VAV2: variants seen among roughly 807,000 people sequenced by gnomAD.
The protein encoded by VAV2 is guanine nucleotide exchange factor VAV2.
In VAV2, 67 loss-of-function variants were observed where a neutral mutation model predicts 132.5. The ratio of observed to expected loss-of-function variants is 0.51; its 90% CI spans 0.42 to 0.62. The LOEUF is 0.62. Ranked by LOEUF, VAV2 falls within the 20% of genes least tolerant of loss-of-function variation. The probability of loss-of-function intolerance (pLI) is 0.00; values close to 1 mark genes in which losing one functional copy is unlikely to be tolerated. For synonymous variants in VAV2, 492 were observed against 443.5 expected (o/e 1.11, Z -1.37); for missense variants, 938 against 1,153.6 (o/e 0.81, Z 2.71).
rs1002870512 is a variant in VAV2, at chr9:133,792,719, G to A, written c.1102-850C>T. On this transcript the variant is annotated intron_variant, in intron 12 of 29. Transcript: ENST00000371850. ...CCCACCCAGCATCCAGGCACCGGGC[G>A]TTTCTGGACCTTCTTCCTCCATCCT... 5.6e-5 allele frequency among the ~76,000 whole-genome samples: 7 copies of A among 125,872 alleles called. No individual in the cohort carries two copies. In the East Asian group the frequency reaches 6.7e-4, roughly 12 times the overall value. 82.6% of individuals were successfully genotyped at this position (125,872 alleles called of 152,430 possible). A position where few individuals can be genotyped will look rare whatever the true frequency, so the allele number is the denominator to read the frequency against.
intron 2 of VAV2, among the ~76,000 whole-genome samples, chr9:133,905,170 T>C (rs892501807): frequency 3.3e-5 from 5 of 152,044 alleles, no homozygotes; most frequent in African/African-American, 9.7e-5. Context: ...GGCTCACGCC[T>C]GTAATCCCAG....
At chr9:133,785,985 T>C in intron 16 of VAV2, 100 bp from the exon 17 acceptor site, 4 of 1,029,514 alleles carry the variant, frequency 3.9e-6, no homozygotes, top group Non-Finnish European at 5.9e-6. Flanking sequence ...TGCACGTGTG[T>C]ATATGCATAT....
At chr9:133,970,397 G>A (rs970014097) in intron 1 of VAV2, among the ~76,000 whole-genome samples, 2 of 152,170 alleles carry the variant, frequency 1.3e-5, no homozygotes, top group African/African-American at 2.4e-5. Flanking sequence ...GGGAGCCAGG[G>A]ACCTTGGCCC....
Position 133,779,914 on chromosome 9 carries a change from T to C in VAV2, c.1762+4A>G. 6.2e-7 allele frequency: 1 copy of C among 1,611,772 alleles called. No individual in the cohort carries two copies. The highest frequency in any genetic ancestry group is 2.2e-5 in the East Asian group (1 of 44,798). ...AGCAGAGGGCCCAGGTCCAGAAGAC[T>C]CACCTGGTCCCGCTCCGGAGGCGTC... On this transcript the variant is annotated splice_donor_region_variant and intron_variant, in intron 21 of 29. Coordinates refer to ENST00000371850, the MANE Select transcript of VAV2 (RefSeq NM_001134398.2).
Position 133,939,121 on chromosome 9 carries a change from A to G in VAV2, c.303T>C (p.Asp101=), listed in dbSNP as rs753033816. 3 of 1,614,212 alleles carry G rather than the reference A, an allele frequency of 1.9e-6. No individual in the cohort carries two copies. The highest frequency in any genetic ancestry group is 2.2e-5 in the East Asian group (1 of 44,878). The change falls in exon 2 of 30, where the codon GAT becomes GAC. Residue 101 remains aspartate (D), a synonymous_variant. Coordinates refer to ENST00000371850, the MANE Select transcript of VAV2 (RefSeq NM_001134398.2). ...TGCTCACCTTTCCAAAGTCTCGCAC[A>G]TCGAAGAGGTCAAAGGGGTCAAACA... ...SELFDPFDLF[D]VRDFGKVISA...
At chr9:133,850,367 C>T (rs913062840) in intron 3 of VAV2, among the ~76,000 whole-genome samples, 4 of 152,326 alleles carry the variant, frequency 2.6e-5, no homozygotes, top group African/African-American at 9.6e-5. Context: ...GGCCCGGTGT[C>T]CACTCCCCAC....
intron 29 of VAV2, among the ~76,000 whole-genome samples, chr9:133,764,528 C>T (rs1036252330): frequency 2.0e-5 from 3 of 152,120 alleles, no homozygotes; most frequent in Admixed American, 6.5e-5. Context: ...CTAATTCATA[C>T]GTTTAAGAAA....
At chr9:133,812,882 C>T (rs982854688) in intron 4 of VAV2, among the ~76,000 whole-genome samples, 1 of 152,238 alleles carries the variant, frequency 6.6e-6, no homozygotes, top group Non-Finnish European at 1.5e-5. Flanking sequence ...AAGACACCCA[C>T]CAGGATCCCC....
rs532828039 is a variant in VAV2 at position 133,837,463 on chromosome 9, G to A, written c.381-3123C>T. On this transcript the variant is annotated intron_variant, in intron 3 of 29. Transcript: ENST00000371850. Reference sequence around the variant, plus strand: ...GTAATCCCAGGACTTTGGGAGGCCCGAGGCGGGCGGATCACCTGAGGTCAG... The same window carrying A: ...GTAATCCCAGGACTTTGGGAGGCCCAAGGCGGGCGGATCACCTGAGGTCAG... Among the ~76,000 whole-genome samples, 23 of 152,232 alleles carry A rather than the reference G, an allele frequency of 1.5e-4. No homozygotes were observed. In the South Asian group the frequency reaches 2.3e-3, roughly 15 times the overall value.
At chr9:133,777,336 C>T in intron 23 of VAV2, 53 bp downstream of exon 23, 1 of 1,588,760 alleles carries the variant, frequency 6.3e-7, no homozygotes, top group Non-Finnish European at 8.6e-7. Context: ...GCTCCCAGAA[C>T]CCTCAGCACC....
At chr9:133,907,570 C>A (rs185772356) in intron 2 of VAV2, among the ~76,000 whole-genome samples, 2 of 152,292 alleles carry the variant, frequency 1.3e-5, no homozygotes, top group East Asian at 3.9e-4. Flanking sequence ...GTTGGAAAGC[C>A]CCCTGGGAGA....
chr9:133,827,106 C>T (rs1029899308), intron 4 of VAV2, among the ~76,000 whole-genome samples: 1 of 152,196 alleles, frequency 6.6e-6, no homozygotes, highest in Admixed American at 6.5e-5. Context: ...GGCCCCAGGA[C>T]TCCAGGCCAG....
intron 3 of VAV2, among the ~76,000 whole-genome samples, chr9:133,849,079 C>T (rs995617618): frequency 1.3e-5 from 2 of 152,204 alleles, no homozygotes; most frequent in Non-Finnish European, 2.9e-5. Context: ...GCTGAAGAGG[C>T]GGCCTTGGTT....
At chr9:133,874,910 G>A (rs551040460) in intron 2 of VAV2, among the ~76,000 whole-genome samples, 4 of 152,326 alleles carry the variant, frequency 2.6e-5, no homozygotes, top group South Asian at 4.1e-4. Flanking sequence ...CGAGCTGCAA[G>A]AGGCCTTGGG....
At chr9:133,901,190 T>C (rs751027922) in intron 2 of VAV2, among the ~76,000 whole-genome samples, 5 of 152,182 alleles carry the variant, frequency 3.3e-5, no homozygotes, top group Non-Finnish European at 7.3e-5. Context: ...GGCCCAGTTT[T>C]AGGAACATTT....
At chr9:133,848,472 G>C (rs1283790494) in intron 3 of VAV2, among the ~76,000 whole-genome samples, 1 of 152,200 alleles carries the variant, frequency 6.6e-6, no homozygotes, top group Non-Finnish European at 1.5e-5. Flanking sequence ...TGACTGGCCA[G>C]CTTGTGAGTG....
chr9:133,905,378 G>C lies in VAV2; in HGVS notation c.321+33725C>G, dbSNP rs184380240. Among the ~76,000 whole-genome samples, 126 of 149,254 alleles carry C rather than the reference G, an allele frequency of 8.4e-4. 1 individual carries two copies. The highest frequency in any genetic ancestry group is 3.0e-3 in the African/African-American group (120 of 40,268). ...GTGAACCCAGGAGGCAGAGCTTGCA[G>C]TGAGCCAAGATTGTGCCACTGCACT... On this transcript the variant is annotated intron_variant, in intron 2 of 29. Transcript: ENST00000371850.
chr9:133,888,933 C>G (rs1226968358), intron 2 of VAV2, among the ~76,000 whole-genome samples: 4 of 152,210 alleles, frequency 2.6e-5, no homozygotes, highest in African/African-American at 9.6e-5. Context: ...GCCCGTCATT[C>G]GCATTCGCAA....
rs771338960 is a variant in VAV2 at position 133,807,706 on chromosome 9, TC to T, written c.667-381del. ...ACTCTCTGGATGGACAGGGCCATGGTCCCCACCCAGCACTCAAACACTGAGC... is the reference window on the plus strand; with the variant it reads ...ACTCTCTGGATGGACAGGGCCATGGTCCCACCCAGCACTCAAACACTGAGC... On this transcript the variant is annotated intron_variant, in intron 7 of 29. Transcript: ENST00000371850. Among the ~76,000 whole-genome samples the T allele has an allele frequency of 1.6e-4, 24 of 152,068 alleles. 1 individual carries two copies. Among genetic ancestry groups the T allele is most frequent in the Non-Finnish European group, 2.5e-4 (17 of 67,990 alleles).
Sources: gnomAD v4.1 joint callset for allele counts (sites outside exome capture counted in the v4.1 genomes callset) on GRCh38, gnomAD v4.1.1 for gene constraint, MANE v1.5 for transcripts, NCBI Gene and HGNC (gene_info 2026-07-23, HGNC 2026-07-21) for gene names.